The following CPSF6 variants were observed in gnomAD, a reference collection of about 807,000 sequenced individuals.
CPSF6 encodes the protein cleavage and polyadenylation specific factor 6, also known as cleavage and polyadenylation specificity factor subunit 6.
Under a neutral mutation model 56.7 loss-of-function variants are expected in CPSF6, and 10 were observed. That is an observed-to-expected ratio of 0.18 (90% CI 0.11 to 0.30). The LOEUF is 0.30. CPSF6 is among the 10% of genes least tolerant of loss of function. The pLI, the probability that CPSF6 is intolerant of heterozygous loss-of-function variation, is 1.00. For missense variants in CPSF6, 419 were observed against 722.9 expected, an observed-to-expected ratio of 0.58 and a Z score of 4.82; for synonymous variants, 248 against 244.8, an observed-to-expected ratio of 1.01 and a Z score of -0.12.
rs1592813386 is a variant in CPSF6 at position 69,267,730 on chromosome 12, G to A, written c.*4-1782G>A. Among the ~76,000 whole-genome samples, 6 of 151,886 alleles carry A rather than the reference G, an allele frequency of 4.0e-5. 1 individual carries two copies. Among genetic ancestry groups the A allele is most frequent in the Admixed American group, 3.9e-4 (6 of 15,262 alleles). On this transcript the variant is annotated intron_variant, in intron 9 of 9. Transcript: ENST00000435070. Reference sequence around the variant, plus strand: ...GTGTTTAGAAATAGAAATAAAAACTGCTAGACTATCCCCCATATTTTATGT... The same window carrying A: ...GTGTTTAGAAATAGAAATAAAAACTACTAGACTATCCCCCATATTTTATGT...
intron 1 of CPSF6, among the ~76,000 whole-genome samples, chr12:69,242,279 T>G (rs1461213887): frequency 6.6e-6 from 1 of 152,236 alleles, no homozygotes; most frequent in Non-Finnish European, 1.5e-5. Flanking sequence ...CGGGATAGTC[T>G]TTATTTCCAT....
At position 69,272,869 on chromosome 12, in the gene CPSF6, AGTGTGTGT is replaced by A. The variant is rs3051105; in HGVS notation, c.*3382_*3389del. 43 of 154,226 alleles carry A rather than the reference AGTGTGTGT, an allele frequency of 2.8e-4. No individual in the cohort carries two copies. The highest frequency in any genetic ancestry group is 8.9e-4 in the Admixed American group (14 of 15,746). 9.6% of individuals were successfully genotyped at this position (154,226 alleles called of 1,614,324 possible). A position where few individuals can be genotyped will look rare whatever the true frequency, so the allele number is the denominator to read the frequency against. The stretch of plus-strand genomic sequence containing the variant: ...AAGCATTCTATTTTTCTGTTCTTAC[AGTGTGTGT>A]GTGTGTGTGTGTGTGTGTGTATGCG... On this transcript the variant is annotated 3_prime_UTR_variant, in exon 10 of 10. Transcript: ENST00000435070.
At chr12:69,243,748 T>C (rs1018520327) in intron 1 of CPSF6, among the ~76,000 whole-genome samples, 1 of 152,224 alleles carries the variant, frequency 6.6e-6, no homozygotes, top group Non-Finnish European at 1.5e-5. Context: ...TGGGACATGC[T>C]GCTGTAGACT....
intron 8 of CPSF6, among the ~76,000 whole-genome samples, chr12:69,261,670 T>A (rs1872746570): frequency 6.6e-6 from 1 of 152,126 alleles, no homozygotes; most frequent in African/African-American, 2.4e-5. Flanking sequence ...GACATAAATA[T>A]TATTTCGTAG....
Position 69,256,683 on chromosome 12 carries a change from T to TA in CPSF6, c.375-11dup. ...CTTTTTACTTTGTATCCTCACCCCT[T>TA]AAACACTTTTTAGGTTTGCCCTTGT... On this transcript the variant is annotated splice_polypyrimidine_tract_variant and intron_variant, in intron 3 of 9. Coordinates refer to ENST00000435070, the MANE Select transcript of CPSF6 (RefSeq NM_007007.3). 1.2e-6 allele frequency: 2 copies of TA among 1,604,216 alleles called. No homozygotes were observed. Among genetic ancestry groups the TA allele is most frequent in the Non-Finnish European group, 1.7e-6 (2 of 1,176,582 alleles).
At chr12:69,249,031 G>A (rs1303938381) in intron 1 of CPSF6, among the ~76,000 whole-genome samples, 3 of 151,602 alleles carry the variant, frequency 2.0e-5, no homozygotes, top group African/African-American at 4.9e-5. Context: ...CGGATCACGA[G>A]GTCAGGAGAT....
In CPSF6 at chr12:69,272,070, G is replaced by A. The variant is rs1270186431; in HGVS notation, c.*2562G>A. ...GTACCTGAATGGTACTGCTTCTGAG[G>A]CAACACTTTGGATTGAAAGTGCTGC... On this transcript the variant is annotated 3_prime_UTR_variant, in exon 10 of 10. Coordinates refer to ENST00000435070, the MANE Select transcript of CPSF6 (RefSeq NM_007007.3). 1 of 151,500 alleles carries A rather than the reference G, an allele frequency of 6.6e-6. No homozygotes were observed. The highest frequency in any genetic ancestry group is 1.5e-5 in the Non-Finnish European group (1 of 67,610). The allele number at this position is 151,500 out of a possible 1,614,324, so 9.4% of individuals were successfully genotyped here. A position where few individuals can be genotyped will look rare whatever the true frequency, so the allele number is the denominator to read the frequency against.
At chr12:69,259,851 A>G (rs761863010) in intron 7 of CPSF6, among the ~76,000 whole-genome samples, 193 bp from the exon 8 acceptor site, 1 of 152,226 alleles carries the variant, frequency 6.6e-6, no homozygotes, top group African/African-American at 2.4e-5. Flanking sequence ...CACACGTATA[A>G]TAAGTTGAGT....
At position 69,258,019 on chromosome 12, in the gene CPSF6, T is replaced by C. The variant is rs1045378025; in HGVS notation, c.694+114T>C. On this transcript the variant is annotated intron_variant, in intron 5 of 9. Coordinates refer to ENST00000435070, the MANE Select transcript of CPSF6 (RefSeq NM_007007.3). This position sits in a 1 kb window ranked among gnomAD's most constrained non-coding sequence, Gnocchi z 4.2. ...ATGTGACTTACTCTCCTTGTTATGC[T>C]ATTTTTGGAATCCAGGAAATTTGAT... is the stretch of plus-strand genomic sequence containing the variant. 8 of 1,538,668 alleles carry C rather than the reference T, an allele frequency of 5.2e-6. No individual in the cohort carries two copies. Among genetic ancestry groups the C allele is most frequent in the Non-Finnish European group, 7.0e-6 (8 of 1,138,276 alleles).
chr12:69,266,824 A>G (rs1873010311), intron 9 of CPSF6, among the ~76,000 whole-genome samples: 1 of 152,160 alleles, frequency 6.6e-6, no homozygotes, highest in Non-Finnish European at 1.5e-5. Flanking sequence ...GCAATTATGT[A>G]TGTGTTTTAT....
At chr12:69,262,813 G>A (rs1343192627) in intron 9 of CPSF6, among the ~76,000 whole-genome samples, 2 of 152,082 alleles carry the variant, frequency 1.3e-5, no homozygotes, top group African/African-American at 4.8e-5. Context: ...TCTTAACAAA[G>A]CAAGGAAATA....
intron 9 of CPSF6, among the ~76,000 whole-genome samples, chr12:69,267,139 T>C (rs1873028889): frequency 6.6e-6 from 1 of 152,034 alleles, no homozygotes; most frequent in Admixed American, 6.6e-5. Context: ...GAGAATCCTT[T>C]TAATTCAGTA....
intron 1 of CPSF6, among the ~76,000 whole-genome samples, chr12:69,246,821 T>C (rs1198096403): frequency 2.0e-5 from 3 of 152,172 alleles, no homozygotes; most frequent in Non-Finnish European, 4.4e-5. Flanking sequence ...GCACGAATTT[T>C]GTATGTATTT....
At chr12:69,269,435 T>C (rs777074725) in intron 9 of CPSF6, 77 bp from the exon 10 acceptor site, 10 of 444,410 alleles carry the variant, frequency 2.3e-5, no homozygotes, top group Non-Finnish European at 3.2e-5. Context: ...GACTTGTGTA[T>C]GTATAGTTAA....
intron 9 of CPSF6, among the ~76,000 whole-genome samples, chr12:69,266,041 A>G (rs1254915020): frequency 7.1e-6 from 1 of 141,122 alleles, no homozygotes; most frequent in Non-Finnish European, 1.6e-5. Context: ...AAAAAAAAAA[A>G]AGCCAAAAGA....
At chr12:69,249,152 C>G (rs28705731) in intron 1 of CPSF6, among the ~76,000 whole-genome samples, 1,417 of 15,948 alleles carry the variant, frequency 0.089, 5 homozygotes, top group Non-Finnish European at 0.11. Flanking sequence ...CCCAGCTACT[C>G]GGGGGGGGGG....
At chr12:69,262,052 T>G (rs1169975793) in intron 8 of CPSF6, among the ~76,000 whole-genome samples, 2 of 152,240 alleles carry the variant, frequency 1.3e-5, no homozygotes, top group Non-Finnish European at 1.5e-5. Context: ...ACGAGTGCTT[T>G]GAAATTTTCC....
Position 69,258,786 on chromosome 12 carries a change from A to G in CPSF6, c.891A>G (p.Pro297=). 6.2e-7 allele frequency: 1 copy of G among 1,612,764 alleles called. No homozygotes were observed. Among genetic ancestry groups the G allele is most frequent in the Non-Finnish European group, 8.5e-7 (1 of 1,179,698 alleles). ...TGGGTCCACTTCCTCCTGGCCCTCC[A>G]CCTCCAGTTCCAGGCTACGGCCCCC... ...PPLGPLPPGP[P]PPVPGYGPPP... is the part of the protein sequence containing the mutation. Residue 297 remains proline (P), a synonymous_variant, in exon 6 of 10, where the codon CCA becomes CCG. Transcript: ENST00000435070. This position sits in a 1 kb window ranked among gnomAD's most constrained non-coding sequence, Gnocchi z 4.2.
chr12:69,268,315 A>G (rs907616592), intron 9 of CPSF6, among the ~76,000 whole-genome samples: 6 of 151,826 alleles, frequency 4.0e-5, no homozygotes, highest in South Asian at 2.1e-4. Flanking sequence ...TAGAAACTAT[A>G]TATATAAAAG....
Sources: gnomAD v4.1 joint callset for allele counts (sites outside exome capture counted in the v4.1 genomes callset) on GRCh38, gnomAD v4.1.1 for gene constraint, Gnocchi (gnomAD v3.1) non-coding constraint, MANE v1.5 for transcripts, NCBI Gene and HGNC (gene_info 2026-07-23, HGNC 2026-07-21) for gene names.